UFM1: variants seen among roughly 807,000 people sequenced by gnomAD.
UFM1 encodes the protein ubiquitin-fold modifier 1.
Under a neutral mutation model 15.4 loss-of-function variants are expected in UFM1, and 9 were observed. The observed-to-expected ratio is 0.59, with a 90% CI of 0.35 to 1.02. The LOEUF (loss-of-function observed/expected upper bound fraction) is 1.02. Ranked by LOEUF, UFM1 falls within the 50% of genes least tolerant of loss-of-function variation. The pLI is 0.02. For missense variants in UFM1, 98 were observed against 104.7 expected (o/e 0.94, Z 0.28); for synonymous variants, 27 against 36.3 (o/e 0.74, Z 0.92).
rs117241937 is a variant in UFM1, at chr13:38,359,377, T to C, written c.190+44T>C. ...ATAGAGGAGTGGGTGGGGTTATATA[T>C]GTCAATTGACACTGAATAGTTAAGC... is the stretch of plus-strand genomic sequence containing the variant. On this transcript the variant is annotated intron_variant, in intron 5 of 5. Transcript: ENST00000239878. 0.013 allele frequency: 21,097 copies of C among 1,597,310 alleles called. 141 individuals are homozygous for C. Among genetic ancestry groups the C allele is most frequent in the Non-Finnish European group, 0.016 (18,734 of 1,165,626 alleles).
intron 3 of UFM1, 27 bp downstream of exon 3, chr13:38,354,323 T>C (rs765937431): frequency 6.3e-7 from 1 of 1,596,968 alleles, no homozygotes; most frequent in Non-Finnish European, 8.6e-7. Flanking sequence ...GAACAACCTT[T>C]ATGGAATGCG....
chr13:38,358,087 ATT>A lies in UFM1; in HGVS notation c.118-4_118-3del. The A allele has an allele frequency of 2.3e-6, 3 of 1,317,820 alleles. No homozygotes were observed. Among genetic ancestry groups the A allele is most frequent in the Non-Finnish European group, 3.0e-6 (3 of 994,422 alleles). 81.6% of individuals were successfully genotyped at this position (1,317,820 alleles called of 1,614,324 possible). On this transcript the variant is annotated splice_region_variant and splice_polypyrimidine_tract_variant and intron_variant, in intron 3 of 5. Coordinates refer to ENST00000239878, the MANE Select transcript of UFM1 (RefSeq NM_016617.4). ...TATATATATATTTTTTTTTCCTTCT[ATT>A]TAGTTTAAAGTTCCTGCTGCAACAA... is the stretch of plus-strand genomic sequence containing the variant.
intron 2 of UFM1, among the ~76,000 whole-genome samples, chr13:38,350,875 G>A (rs1878816523): frequency 6.6e-6 from 1 of 152,106 alleles, no homozygotes; most frequent in Non-Finnish European, 1.5e-5. Context: ...TTCCTCCCTT[G>A]ATCTTTTCAT....
intron 5 of UFM1, 47 bp downstream of exon 5, chr13:38,359,380 C>G (rs1879271447): frequency 6.3e-7 from 1 of 1,583,174 alleles, no homozygotes; most frequent in East Asian, 2.2e-5. Flanking sequence ...TTATATATGT[C>G]AATTGACACT....
At chr13:38,359,501 A>T (rs889030204) in intron 5 of UFM1, 168 bp downstream of exon 5, 17 of 579,676 alleles carry the variant, frequency 2.9e-5, no homozygotes, top group Middle Eastern at 5.1e-4. Context: ...AAGTTGTTTC[A>T]TTGTGTATAT....
At chr13:38,352,738 T>G (rs1192612167) in intron 2 of UFM1, among the ~76,000 whole-genome samples, 1 of 152,236 alleles carries the variant, frequency 6.6e-6, no homozygotes, top group Non-Finnish European at 1.5e-5. Flanking sequence ...TTTATTGGCT[T>G]GTCTGTGGAC....
chr13:38,350,242 G>T (rs1878770999), intron 2 of UFM1, 187 bp downstream of exon 2: 1 of 1,599,420 alleles, frequency 6.3e-7, no homozygotes, highest in East Asian at 2.3e-5. Context: ...GTACTTGCTC[G>T]CTAAGTGTCA....
intron 5 of UFM1, among the ~76,000 whole-genome samples, 172 bp from the exon 6 acceptor site, chr13:38,360,539 A>G (rs985539717): frequency 6.6e-6 from 1 of 152,164 alleles, no homozygotes; most frequent in East Asian, 1.9e-4. Context: ...GATTGTGAAG[A>G]TAGGAGAATA....
intron 5 of UFM1, chr13:38,359,644 C>G (rs78453332): frequency 4.9e-6 from 1 of 205,834 alleles, no homozygotes; most frequent in African/African-American, 2.3e-5. Flanking sequence ...TGACCTACCT[C>G]TTAAGGTAGT....
chr13:38,352,922 C>T (rs184815308), intron 2 of UFM1, among the ~76,000 whole-genome samples: 1 of 152,266 alleles, frequency 6.6e-6, no homozygotes, highest in Non-Finnish European at 1.5e-5. Flanking sequence ...AGATTCTTAA[C>T]TACATATACA....
At chr13:38,358,749 T>C (rs1879238826) in intron 4 of UFM1, among the ~76,000 whole-genome samples, 1 of 152,026 alleles carries the variant, frequency 6.6e-6, no homozygotes, top group Non-Finnish European at 1.5e-5. Flanking sequence ...ATGGGCTTAA[T>C]GTGCGTGATG....
At chr13:38,350,262 C>G (rs769318522) in intron 2 of UFM1, 22 of 1,573,010 alleles carry the variant, frequency 1.4e-5, no homozygotes, top group Middle Eastern at 1.8e-4. Flanking sequence ...AGCTTGGCAG[C>G]TTGGCCCCGT....
At chr13:38,354,061 G>A (rs910019332) in intron 2 of UFM1, among the ~76,000 whole-genome samples, 178 bp from the exon 3 acceptor site, 2 of 151,698 alleles carry the variant, frequency 1.3e-5, no homozygotes, top group African/African-American at 4.8e-5. Flanking sequence ...TGTTTGGGTT[G>A]TTATTATTAT....
chr13:38,359,155 G>T, intron 4 of UFM1, 146 bp from the exon 5 acceptor site: 3 of 591,384 alleles, frequency 5.1e-6, no homozygotes, highest in Admixed American at 6.4e-5. Context: ...TTACCTGAAA[G>T]ATTGTCACTC....
intron 3 of UFM1, among the ~76,000 whole-genome samples, chr13:38,357,868 G>C (rs1331724681): frequency 2.0e-5 from 3 of 151,690 alleles, no homozygotes; most frequent in Non-Finnish European, 4.4e-5. Flanking sequence ...GAAGAGGAAG[G>C]GTTGGTCTTG....
At chr13:38,350,334 G>T in intron 2 of UFM1, 1 of 1,249,228 alleles carries the variant, frequency 8.0e-7, no homozygotes, top group Non-Finnish European at 1.1e-6. Flanking sequence ...TGGTGGGCAG[G>T]TGGCGCGGGA....
In UFM1 at chr13:38,362,628, T is replaced by C. The variant is rs1409003299; in HGVS notation, c.*1850T>C. The C allele has an allele frequency of 6.6e-6, 1 of 152,008 alleles. No individual in the cohort carries two copies. Among genetic ancestry groups the C allele is most frequent in the Non-Finnish European group, 1.5e-5 (1 of 68,000 alleles). 9.4% of individuals were successfully genotyped at this position (152,008 alleles called of 1,614,324 possible). A position where few individuals can be genotyped will look rare whatever the true frequency, so the allele number is the denominator to read the frequency against. On this transcript the variant is annotated 3_prime_UTR_variant, in exon 6 of 6. Coordinates refer to ENST00000239878, the MANE Select transcript of UFM1 (RefSeq NM_016617.4). The stretch of plus-strand genomic sequence containing the variant: ...TTATTTTTATAAACAAAATCTGATG[T>C]TCAGAGGCCCCGTTTCTTACAATAA...
chr13:38,352,102 C>CTTTTTTTTT (rs35879418), intron 2 of UFM1, among the ~76,000 whole-genome samples: 1 of 105,346 alleles, frequency 9.5e-6, no homozygotes, highest in African/African-American at 3.2e-5. Flanking sequence ...TTCTTTCTTT[C>CTTTTTTTTT]TTTTTTTTTT....
intron 5 of UFM1, 80 bp downstream of exon 5, chr13:38,359,413 A>T (rs1216953537): frequency 1.4e-6 from 2 of 1,461,054 alleles, no homozygotes; most frequent in Non-Finnish European, 1.9e-6. Flanking sequence ...TATTCTAATT[A>T]CACTTGACAG....
Sources: allele counts gnomAD v4.1 joint callset (sites outside exome capture counted in the v4.1 genomes callset), GRCh38; gene constraint gnomAD v4.1.1; transcripts MANE v1.5; gene names NCBI Gene and HGNC (gene_info 2026-07-23, HGNC 2026-07-21).